RIMS2: variants seen among roughly 807,000 people sequenced by gnomAD.
The protein encoded by RIMS2 is regulating synaptic membrane exocytosis protein 2.
Under a neutral mutation model 174.4 loss-of-function variants are expected in RIMS2, and 59 were observed. That is an observed-to-expected ratio of 0.34 (90% confidence interval 0.27 to 0.42). The LOEUF (loss-of-function observed/expected upper bound fraction) is 0.42, where lower values mean the gene tolerates loss of function less well. Ranked by LOEUF, RIMS2 falls within the 10% of genes least tolerant of loss-of-function variation. The pLI is 1.00. For synonymous variants in RIMS2, 606 were observed against 572.5 expected (o/e 1.06, Z -0.84); for missense variants, 1,620 against 1,666.3 (o/e 0.97, Z 0.48).
intron 13 of RIMS2, among the ~76,000 whole-genome samples, chr8:103,938,974 G>A (rs890712198): frequency 6.6e-6 from 1 of 152,196 alleles, no homozygotes; most frequent in Non-Finnish European, 1.5e-5. Flanking sequence ...TGGCTTTGCA[G>A]AGTATAACCC....
intron 3 of RIMS2, among the ~76,000 whole-genome samples, chr8:103,832,099 A>G (rs1319738492): frequency 1.1e-4 from 16 of 152,160 alleles, no homozygotes. Flanking sequence ...CATGTGTGCA[A>G]ATACTGTTTC....
intron 11 of RIMS2, among the ~76,000 whole-genome samples, chr8:103,928,787 A>T (rs1296361971): frequency 6.6e-6 from 1 of 151,452 alleles, no homozygotes; most frequent in Non-Finnish European, 1.5e-5. Flanking sequence ...AAACAATTTA[A>T]ATTATACTAA....
intron 1 of RIMS2, among the ~76,000 whole-genome samples, chr8:103,624,280 AAAT>A (rs1166863322): frequency 6.6e-6 from 1 of 152,220 alleles, no homozygotes; most frequent in Admixed American, 6.5e-5. Context: ...GGCTTGAAGA[AAAT>A]AAAAGGCAGA....
intron 19 of RIMS2, chr8:104,223,579 C>T: frequency 1.4e-6 from 2 of 1,480,414 alleles, no homozygotes; most frequent in South Asian, 1.3e-5. Flanking sequence ...CCCGGAACCG[C>T]TGCGGACGCT....
chr8:103,852,642 G>A (rs1318322179), intron 3 of RIMS2, among the ~76,000 whole-genome samples: 1 of 151,910 alleles, frequency 6.6e-6, no homozygotes, highest in Non-Finnish European at 1.5e-5. Flanking sequence ...CCACTTGTAA[G>A]TAAGACCATA....
intron 1 of RIMS2, among the ~76,000 whole-genome samples, chr8:103,513,090 C>T (rs1017631607): frequency 1.3e-5 from 2 of 152,100 alleles, no homozygotes; most frequent in Non-Finnish European, 2.9e-5. Flanking sequence ...ATGCATAGTC[C>T]TTGAACTGGA....
At chr8:103,709,180 G>A (rs1176463076) in intron 2 of RIMS2, among the ~76,000 whole-genome samples, 1 of 151,948 alleles carries the variant, frequency 6.6e-6, no homozygotes, top group Non-Finnish European at 1.5e-5. Context: ...TTTATGACTA[G>A]AACTTTAATT....
At chr8:103,547,184 A>G (rs2131441654) in intron 1 of RIMS2, among the ~76,000 whole-genome samples, 1 of 152,334 alleles carries the variant, frequency 6.6e-6, no homozygotes, top group South Asian at 2.1e-4. Flanking sequence ...CCTTTAGGAA[A>G]GTAAATTAAG....
At chr8:103,600,104 T>TCCCACAAATTTTTACA (rs2094655020) in intron 1 of RIMS2, among the ~76,000 whole-genome samples, 7 of 151,900 alleles carry the variant, frequency 4.6e-5, no homozygotes, top group African/African-American at 9.7e-5. Context: ...AAATTTTTAC[T>TCCCACAAATTTTTACA]TCCCACAAAT....
At chr8:103,818,238 A>C (rs926252326) in intron 3 of RIMS2, among the ~76,000 whole-genome samples, 3 of 152,154 alleles carry the variant, frequency 2.0e-5, no homozygotes, top group African/African-American at 7.2e-5. Context: ...AAAAGGGCAA[A>C]GAGTTAAGGT....
chr8:103,768,766 A>C, intron 3 of RIMS2: 1 of 746,766 alleles, frequency 1.3e-6, no homozygotes, highest in African/African-American at 1.7e-5. Context: ...AAAGCCTTTA[A>C]ACAAAGAAGG....
At chr8:104,235,932 G>T (rs1221440549) in intron 19 of RIMS2, among the ~76,000 whole-genome samples, 1 of 151,914 alleles carries the variant, frequency 6.6e-6, no homozygotes, top group African/African-American at 2.4e-5. Flanking sequence ...CTTAATCCAG[G>T]ATTCAGTCAA....
At chr8:104,065,067 A>T (rs1353126958) in intron 19 of RIMS2, among the ~76,000 whole-genome samples, 1 of 152,072 alleles carries the variant, frequency 6.6e-6, no homozygotes. Context: ...TATTTTGGAA[A>T]GTTTGAAATT....
chr8:104,129,528 AG>A (rs1416442166), intron 19 of RIMS2, among the ~76,000 whole-genome samples: 1 of 152,240 alleles, frequency 6.6e-6, no homozygotes, highest in Non-Finnish European at 1.5e-5. Context: ...CTTAAGTGGA[AG>A]AAGGAGGAAG....
At chr8:104,009,875 T>C (rs2154553379) in intron 17 of RIMS2, among the ~76,000 whole-genome samples, 1 of 152,214 alleles carries the variant, frequency 6.6e-6, no homozygotes, top group Non-Finnish European at 1.5e-5. Context: ...TTGGGGAAAT[T>C]TTCATTGATT....
At chr8:103,705,856 T>G (rs956902232) in intron 2 of RIMS2, among the ~76,000 whole-genome samples, 1 of 151,828 alleles carries the variant, frequency 6.6e-6, no homozygotes, top group African/African-American at 2.4e-5. Flanking sequence ...TTAAATTCAT[T>G]TCACTCCTCT....
intron 19 of RIMS2, among the ~76,000 whole-genome samples, chr8:104,064,890 A>T (rs1240045879): frequency 6.6e-6 from 1 of 152,092 alleles, no homozygotes; most frequent in Non-Finnish European, 1.5e-5. Flanking sequence ...GATTTCTAAG[A>T]TATAATGACC....
intron 3 of RIMS2, among the ~76,000 whole-genome samples, chr8:103,782,528 C>G (rs1218547236): frequency 3.3e-5 from 5 of 151,868 alleles, no homozygotes; most frequent in Non-Finnish European, 7.4e-5. Context: ...GAAGTACAAT[C>G]ACTTGGTTAA....
chr8:103,703,430 G>C (rs1435790782), intron 2 of RIMS2, among the ~76,000 whole-genome samples: 2 of 151,966 alleles, frequency 1.3e-5, no homozygotes, highest in Non-Finnish European at 2.9e-5. Context: ...TAGAGACAGG[G>C]TTTCGCCATA....
Sources: allele counts gnomAD v4.1 joint callset (sites outside exome capture counted in the v4.1 genomes callset), GRCh38; gene constraint gnomAD v4.1.1; transcripts MANE v1.5; gene names NCBI Gene and HGNC (gene_info 2026-07-23, HGNC 2026-07-21).